ARHGAP44: variants seen among roughly 807,000 people sequenced by gnomAD.
ARHGAP44 encodes the protein rho GTPase-activating protein 44.
In ARHGAP44, 43 loss-of-function variants were observed where a neutral mutation model predicts 106.8. The observed-to-expected ratio is 0.40, with a 90% confidence interval of 0.32 to 0.52. The LOEUF is 0.52. Among genes scored for constraint, ARHGAP44 ranks in the 20% least tolerant of loss-of-function variants. ARHGAP44 has a pLI of 0.48. For synonymous variants in ARHGAP44, 439 were observed against 410.3 expected (o/e 1.07, Z -0.85); for missense variants, 866 against 1,050.5 (o/e 0.82, Z 2.43).
intron 1 of ARHGAP44, among the ~76,000 whole-genome samples, chr17:12,857,983 C>A (rs1350026632): frequency 2.0e-5 from 3 of 152,030 alleles, no homozygotes; most frequent in Non-Finnish European, 2.9e-5. Context: ...TGCCACTAAT[C>A]CTGCTCATCC....
chr17:12,877,403 A>G (rs2036589475), intron 1 of ARHGAP44, among the ~76,000 whole-genome samples: 1 of 152,194 alleles, frequency 6.6e-6, no homozygotes, highest in African/African-American at 2.4e-5. Flanking sequence ...TAAGGGAAAA[A>G]AGGAAAAAGA....
In ARHGAP44 at chr17:12,931,639, G is replaced by A. The variant is rs534140602; in HGVS notation, c.582+2593G>A. ...AGCCTCCCAAGTAGCTGGGACTACA[G>A]GCGCCCGCCACCACGCCCGGCTAAT... On this transcript the variant is annotated intron_variant, in intron 7 of 20. Coordinates refer to ENST00000379672, the MANE Select transcript of ARHGAP44 (RefSeq NM_014859.6). 3.3e-5 allele frequency among the ~76,000 whole-genome samples: 5 copies of A among 152,116 alleles called. No homozygotes were observed. In the East Asian group the frequency reaches 5.8e-4, roughly 18 times the overall value.
chr17:12,921,963 T>C (rs1567688571), intron 6 of ARHGAP44, among the ~76,000 whole-genome samples: 2 of 152,188 alleles, frequency 1.3e-5, no homozygotes, highest in African/African-American at 2.4e-5. Flanking sequence ...AAGGGTTTCT[T>C]TGGTTAACTT....
chr17:12,798,683 T>G (rs2033998288), intron 1 of ARHGAP44, among the ~76,000 whole-genome samples: 1 of 151,208 alleles, frequency 6.6e-6, no homozygotes. Flanking sequence ...CATTCAACAT[T>G]CATAAATGAA....
At chr17:12,868,625 A>ATATG (rs2036310544) in intron 1 of ARHGAP44, among the ~76,000 whole-genome samples, 1 of 133,502 alleles carries the variant, frequency 7.5e-6, no homozygotes, top group African/African-American at 2.9e-5. Flanking sequence ...ATATATATAT[A>ATATG]TATATATGAA....
chr17:12,827,187 G>A (rs1387211421), intron 1 of ARHGAP44, among the ~76,000 whole-genome samples: 1 of 151,914 alleles, frequency 6.6e-6, no homozygotes, highest in African/African-American at 2.4e-5. Context: ...TGAATATATT[G>A]TTTTTTGTCT....
intron 1 of ARHGAP44, among the ~76,000 whole-genome samples, chr17:12,845,173 T>C (rs1362029955): frequency 2.6e-4 from 39 of 151,966 alleles, no homozygotes; most frequent in Admixed American, 2.6e-3. Context: ...GTCTTCATAG[T>C]ATTTGTCACT....
At chr17:12,852,057 A>G (rs1453944839) in intron 1 of ARHGAP44, among the ~76,000 whole-genome samples, 1 of 150,574 alleles carries the variant, frequency 6.6e-6, no homozygotes, top group Non-Finnish European at 1.5e-5. Flanking sequence ...ATTTGAGTGG[A>G]TGAGGCTGAA....
At chr17:12,861,394 C>G (rs1188763209) in intron 1 of ARHGAP44, among the ~76,000 whole-genome samples, 3 of 152,112 alleles carry the variant, frequency 2.0e-5, no homozygotes, top group East Asian at 1.9e-4. Flanking sequence ...GGTCAGAAGT[C>G]TGGCACAGGT....
rs1351475017 is a variant in ARHGAP44, at chr17:12,889,045, G to T, written c.54-5895G>T. On this transcript the variant is annotated intron_variant, in intron 1 of 20. Coordinates refer to ENST00000379672, the MANE Select transcript of ARHGAP44 (RefSeq NM_014859.6). ...TCTTCTAGTTCTTGTCTTTTAATTG[G>T]TGTGTTTAGGCTGGTTACATTTAAT... 3.3e-5 allele frequency among the ~76,000 whole-genome samples: 5 copies of T among 151,986 alleles called. No individual in the cohort carries two copies. The East Asian group carries it at 9.7e-4, about 29-fold the overall frequency.
At chr17:12,830,066 C>G (rs1490662240) in intron 1 of ARHGAP44, among the ~76,000 whole-genome samples, 5 of 152,152 alleles carry the variant, frequency 3.3e-5, no homozygotes, top group African/African-American at 1.2e-4. Flanking sequence ...CCTCCTACCA[C>G]TAAGCAACAG....
At chr17:12,947,262 C>T (rs956457260) in intron 10 of ARHGAP44, among the ~76,000 whole-genome samples, 3 of 152,226 alleles carry the variant, frequency 2.0e-5, no homozygotes, top group Non-Finnish European at 4.4e-5. Context: ...TTGCCAAATC[C>T]GATGACTTAC....
At chr17:12,976,446 C>T (rs2039684430) in intron 18 of ARHGAP44, among the ~76,000 whole-genome samples, 1 of 151,864 alleles carries the variant, frequency 6.6e-6, no homozygotes, top group Non-Finnish European at 1.5e-5. Flanking sequence ...AACCCCATCT[C>T]TACTAAAAAT....
At chr17:12,870,592 G>A (rs1309861709) in intron 1 of ARHGAP44, among the ~76,000 whole-genome samples, 1 of 152,152 alleles carries the variant, frequency 6.6e-6, no homozygotes, top group East Asian at 1.9e-4. Flanking sequence ...AGCCCACTTA[G>A]CCTGATCCAG....
chr17:12,863,753 C>T (rs1293018386), intron 1 of ARHGAP44, among the ~76,000 whole-genome samples: 1 of 152,208 alleles, frequency 6.6e-6, no homozygotes, highest in African/African-American at 2.4e-5. Flanking sequence ...ATCTAATGCT[C>T]TCCAACATAC....
intron 1 of ARHGAP44, among the ~76,000 whole-genome samples, chr17:12,836,347 CAG>C (rs2035238205): frequency 6.6e-6 from 1 of 151,896 alleles, no homozygotes; most frequent in Non-Finnish European, 1.5e-5. Flanking sequence ...AGGAAAATTA[CAG>C]AGATAAAGAG....
chr17:12,802,586 T>C (rs1023530879), intron 1 of ARHGAP44, among the ~76,000 whole-genome samples: 3 of 151,830 alleles, frequency 2.0e-5, no homozygotes, highest in Admixed American at 6.6e-5. Context: ...AAAATCAGAC[T>C]CTTGGCCCGA....
At chr17:12,944,035 C>G in intron 9 of ARHGAP44, 34 bp from the exon 10 acceptor site, 1 of 1,562,568 alleles carries the variant, frequency 6.4e-7, no homozygotes, top group Non-Finnish European at 8.7e-7. Flanking sequence ...ACTTGGCGAA[C>G]AGCTGACTGA....
At position 12,933,872 on chromosome 17, in the gene ARHGAP44, G is replaced by A. The variant is rs946097096; in HGVS notation, c.582+4826G>A. Among the ~76,000 whole-genome samples the A allele has an allele frequency of 8.4e-4, 124 of 147,186 alleles. 2 individuals carry two copies. Among genetic ancestry groups the A allele is most frequent in the African/African-American group, 3.0e-3 (121 of 39,788 alleles). ...TTCTTTTTTTTTTTTTTTTTGAGAC[G>A]GTGTCTGGCTCTGTCGCCCAGGCTG... is the stretch of plus-strand genomic sequence containing the variant. On this transcript the variant is annotated intron_variant, in intron 7 of 20. Transcript: ENST00000379672.
Sources: gnomAD v4.1 joint callset for allele counts (sites outside exome capture counted in the v4.1 genomes callset) on GRCh38, gnomAD v4.1.1 for gene constraint, MANE v1.5 for transcripts, NCBI Gene and HGNC (gene_info 2026-07-23, HGNC 2026-07-21) for gene names.